Variants in MSRA observed in about 807,000 individuals in gnomAD.
The protein encoded by MSRA is mitochondrial peptide methionine sulfoxide reductase.
A neutral mutation model predicts 31.3 loss-of-function variants in MSRA; 54 were observed. That is an observed-to-expected ratio of 1.73 (90% CI 1.39 to 2.17). The LOEUF (loss-of-function observed/expected upper bound fraction) is 2.17, where lower values mean the gene tolerates loss of function less well. MSRA is among the 30% of genes most tolerant of loss of function. MSRA has a pLI of 0.00. For missense variants in MSRA, 507 were observed against 300.9 expected (o/e 1.69, Z -5.07); for synonymous variants, 169 against 116.5 (o/e 1.45, Z -2.90).
intron 1 of MSRA, among the ~76,000 whole-genome samples, chr8:10,141,059 G>A (rs1304564361): frequency 6.6e-6 from 1 of 152,194 alleles, no homozygotes; most frequent in African/African-American, 2.4e-5. Context: ...GATGCAGTGA[G>A]TTGTAGAGGG....
chr8:10,267,536 G>C (rs958247228), intron 3 of MSRA, among the ~76,000 whole-genome samples: 1 of 152,106 alleles, frequency 6.6e-6, no homozygotes, highest in Non-Finnish European at 1.5e-5. Context: ...GTTATCTAGG[G>C]CTGGGGCAAG....
chr8:10,350,794 TC>T (rs759117560), intron 5 of MSRA, among the ~76,000 whole-genome samples: 1 of 152,028 alleles, frequency 6.6e-6, no homozygotes, highest in Non-Finnish European at 1.5e-5. Context: ...GCCTCGCGCC[TC>T]CCCCTTCACA....
chr8:10,209,535 TTTTTA>T (rs562711631), intron 2 of MSRA, among the ~76,000 whole-genome samples: 2 of 152,134 alleles, frequency 1.3e-5, no homozygotes, highest in African/African-American at 2.4e-5. Context: ...TTCTTTCTAT[TTTTTA>T]TTTTATTTTA....
intron 5 of MSRA, among the ~76,000 whole-genome samples, chr8:10,380,184 G>A (rs755111166): frequency 3.9e-5 from 6 of 152,164 alleles, no homozygotes; most frequent in Admixed American, 1.3e-4. Context: ...TTTTTGTTTC[G>A]TCTGCCTTTT....
chr8:10,097,686 G>C (rs964101104), intron 1 of MSRA, among the ~76,000 whole-genome samples: 2 of 151,988 alleles, frequency 1.3e-5, no homozygotes, highest in African/African-American at 4.8e-5. Flanking sequence ...ATTTTTGCTA[G>C]CTGATTTCTT....
intron 3 of MSRA, among the ~76,000 whole-genome samples, chr8:10,274,724 C>G (rs895364957): frequency 4.6e-5 from 7 of 152,120 alleles, no homozygotes; most frequent in South Asian, 4.2e-4. Context: ...CATGTATCCA[C>G]TCATCCATCT....
chr8:10,160,026 A>G (rs888197554), intron 1 of MSRA, among the ~76,000 whole-genome samples: 12 of 152,198 alleles, frequency 7.9e-5, no homozygotes, highest in African/African-American at 2.7e-4. Flanking sequence ...GGTCTATATA[A>G]TTCTTAGCAG....
chr8:10,157,486 C>T (rs950467160), intron 1 of MSRA, among the ~76,000 whole-genome samples: 6 of 151,992 alleles, frequency 3.9e-5, no homozygotes, highest in Admixed American at 2.0e-4. Flanking sequence ...GAAGCAAGTT[C>T]TGGGGGTGGA....
At chr8:10,417,977 T>C (rs1808585393) in intron 5 of MSRA, among the ~76,000 whole-genome samples, 1 of 152,112 alleles carries the variant, frequency 6.6e-6, no homozygotes, top group Admixed American at 6.5e-5. Flanking sequence ...CCTGCGAGTT[T>C]TCCCCTAAAG....
intron 3 of MSRA, among the ~76,000 whole-genome samples, chr8:10,248,810 C>T (rs1563267342): frequency 6.6e-6 from 1 of 152,214 alleles, no homozygotes; most frequent in Non-Finnish European, 1.5e-5. Flanking sequence ...CTTGGTGCCA[C>T]TTGCACCCGA....
intron 3 of MSRA, among the ~76,000 whole-genome samples, chr8:10,287,825 T>C (rs1161972353): frequency 6.6e-6 from 1 of 152,184 alleles, no homozygotes; most frequent in Non-Finnish European, 1.5e-5. Context: ...CACCCTTTCC[T>C]CTGTAAAGTC....
intron 4 of MSRA, among the ~76,000 whole-genome samples, chr8:10,313,083 G>A (rs1406974846): frequency 1.3e-5 from 2 of 152,112 alleles, no homozygotes; most frequent in African/African-American, 4.8e-5. Context: ...TCTTTCCCCA[G>A]CCGGACACCA....
intron 1 of MSRA, among the ~76,000 whole-genome samples, chr8:10,108,806 A>T (rs372404277): frequency 5.4e-5 from 8 of 149,092 alleles, no homozygotes; most frequent in South Asian, 2.1e-4. Context: ...TTGTTGGGAA[A>T]TTTTTTTTTT....
intron 5 of MSRA, among the ~76,000 whole-genome samples, chr8:10,398,164 C>T (rs1442817990): frequency 6.6e-6 from 1 of 152,188 alleles, no homozygotes; most frequent in East Asian, 1.9e-4. Context: ...TCTCTAGTAG[C>T]CTTTCCAACT....
chr8:10,215,895 A>G (rs973084180), intron 2 of MSRA, among the ~76,000 whole-genome samples: 3 of 152,250 alleles, frequency 2.0e-5, no homozygotes, highest in African/African-American at 7.2e-5. Context: ...AATGTGGCGG[A>G]CATTTCTTAA....
chr8:10,126,330 T>C (rs1258080753), intron 1 of MSRA, among the ~76,000 whole-genome samples: 2 of 152,178 alleles, frequency 1.3e-5, no homozygotes, highest in Non-Finnish European at 1.5e-5. Context: ...AAATAGTACC[T>C]GAAATGCAAA....
At chr8:10,240,189 G>A (rs1812286562) in intron 2 of MSRA, among the ~76,000 whole-genome samples, 2 of 152,172 alleles carry the variant, frequency 1.3e-5, no homozygotes, top group Non-Finnish European at 2.9e-5. Flanking sequence ...GCATGGAAGG[G>A]GCCCGGTGTA....
At chr8:10,095,870 T>C (rs1379647045) in intron 1 of MSRA, 29 of 1,277,922 alleles carry the variant, frequency 2.3e-5, no homozygotes, top group Non-Finnish European at 2.8e-5. Flanking sequence ...AAATACTATA[T>C]TTGATTTTTT....
At chr8:10,189,956 T>C (rs1585128476) in intron 1 of MSRA, among the ~76,000 whole-genome samples, 1 of 152,340 alleles carries the variant, frequency 6.6e-6, no homozygotes, top group East Asian at 1.9e-4. Flanking sequence ...CATGGAGTTT[T>C]CTATTTCAGA....
Sources: gnomAD v4.1 joint callset for allele counts (sites outside exome capture counted in the v4.1 genomes callset) on GRCh38, gnomAD v4.1.1 for gene constraint, MANE v1.5 for transcripts, NCBI Gene and HGNC (gene_info 2026-07-23, HGNC 2026-07-21) for gene names.